OPCML: variants seen among roughly 807,000 people sequenced by gnomAD.
OPCML encodes the protein opioid binding protein/cell adhesion molecule like, also known as opioid-binding protein/cell adhesion molecule.
In OPCML, 13 loss-of-function variants were observed where a neutral mutation model predicts 37.8. The observed-to-expected ratio is 0.34, with a 90% CI of 0.22 to 0.55. OPCML has a LOEUF of 0.55. Among genes scored for constraint, OPCML ranks in the 20% least tolerant of loss-of-function variants. OPCML has a pLI of 0.91. For synonymous variants in OPCML, 176 were observed against 168.8 expected, an observed-to-expected ratio of 1.04 and a Z score of -0.33; for missense variants, 341 against 435.6, an observed-to-expected ratio of 0.78 and a Z score of 1.93.
intron 2 of OPCML, among the ~76,000 whole-genome samples, chr11:132,754,154 C>T (rs1004582510): frequency 6.6e-6 from 1 of 152,150 alleles, no homozygotes; most frequent in African/African-American, 2.4e-5. Context: ...CAGCCTCCAA[C>T]AGTAAGAGGT....
At chr11:132,856,938 T>A (rs1392448120) in intron 2 of OPCML, among the ~76,000 whole-genome samples, 1 of 152,220 alleles carries the variant, frequency 6.6e-6, no homozygotes, top group Non-Finnish European at 1.5e-5. Flanking sequence ...TCTAAAACTT[T>A]TTAAATAAAA....
At chr11:132,926,522 G>A (rs1260983477) in intron 2 of OPCML, among the ~76,000 whole-genome samples, 1 of 152,104 alleles carries the variant, frequency 6.6e-6, no homozygotes, top group Non-Finnish European at 1.5e-5. Flanking sequence ...GACCAGGAGA[G>A]GCATATACCA....
At chr11:133,016,870 T>C (rs1008263742) in intron 1 of OPCML, among the ~76,000 whole-genome samples, 1 of 152,204 alleles carries the variant, frequency 6.6e-6, no homozygotes, top group Non-Finnish European at 1.5e-5. Flanking sequence ...CCTATGTTCT[T>C]GGTCCAAGGA....
chr11:132,492,248 A>T (rs979781451), intron 4 of OPCML, among the ~76,000 whole-genome samples: 1 of 151,972 alleles, frequency 6.6e-6, no homozygotes, highest in Non-Finnish European at 1.5e-5. Flanking sequence ...CTTGGAGCAA[A>T]AGGTGGGCAT....
At chr11:133,395,793 A>T (rs1480670346) in intron 1 of OPCML, among the ~76,000 whole-genome samples, 1 of 152,122 alleles carries the variant, frequency 6.6e-6, no homozygotes, top group African/African-American at 2.4e-5. Context: ...ATAGCTCTGT[A>T]GTACAATTTG....
chr11:133,106,539 A>C (rs1949160736), intron 1 of OPCML, among the ~76,000 whole-genome samples: 1 of 152,238 alleles, frequency 6.6e-6, no homozygotes, highest in African/African-American at 2.4e-5. Context: ...AAGGAACTAC[A>C]TAATTGTGTA....
intron 1 of OPCML, among the ~76,000 whole-genome samples, chr11:133,438,806 G>C (rs1211644244): frequency 6.6e-6 from 1 of 152,070 alleles, no homozygotes; most frequent in African/African-American, 2.4e-5. Flanking sequence ...GATCCCCAAC[G>C]GTCAACGATT....
At chr11:132,837,886 C>A (rs1284455421) in intron 2 of OPCML, among the ~76,000 whole-genome samples, 1 of 152,236 alleles carries the variant, frequency 6.6e-6, no homozygotes, top group African/African-American at 2.4e-5. Context: ...CTCAGGGTCT[C>A]TGTAAACACT....
intron 1 of OPCML, among the ~76,000 whole-genome samples, chr11:133,227,037 T>C (rs921736684): frequency 7.9e-5 from 12 of 152,232 alleles, no homozygotes; most frequent in Non-Finnish European, 1.5e-4. Flanking sequence ...TCGGCTGATG[T>C]GCCGGTGTCA....
chr11:132,681,861 A>G (rs1478036278), intron 2 of OPCML, among the ~76,000 whole-genome samples: 4 of 152,126 alleles, frequency 2.6e-5, no homozygotes, highest in Admixed American at 2.6e-4. Context: ...AGGCTGAGGC[A>G]GGAGAATGGC....
intron 1 of OPCML, among the ~76,000 whole-genome samples, chr11:133,113,134 CA>C (rs1949282455): frequency 6.6e-6 from 1 of 152,080 alleles, no homozygotes; most frequent in Non-Finnish European, 1.5e-5. Context: ...ACTTATCATG[CA>C]AAAAAGCCAT....
chr11:133,151,284 T>G (rs151253284), intron 1 of OPCML, among the ~76,000 whole-genome samples: 2,449 of 151,412 alleles, frequency 0.016, 36 homozygotes, highest in Middle Eastern at 0.041. Context: ...ATAATAATAA[T>G]AATAATAATT....
intron 1 of OPCML, among the ~76,000 whole-genome samples, chr11:133,170,786 ACCTGG>A (rs1178392198): frequency 1.3e-5 from 2 of 152,218 alleles, no homozygotes; most frequent in Non-Finnish European, 2.9e-5. Flanking sequence ...GGAAAGGTCT[ACCTGG>A]AGCCACAGCC....
chr11:133,248,767 G>C (rs1941034174), intron 1 of OPCML, among the ~76,000 whole-genome samples: 1 of 152,198 alleles, frequency 6.6e-6, no homozygotes, highest in East Asian at 1.9e-4. Flanking sequence ...TGTGGTGGGA[G>C]AGCATGGGCC....
At chr11:133,105,868 G>A (rs1316830633) in intron 1 of OPCML, among the ~76,000 whole-genome samples, 1 of 152,122 alleles carries the variant, frequency 6.6e-6, no homozygotes, top group Non-Finnish European at 1.5e-5. Flanking sequence ...TGTAATCCCA[G>A]CTACTCAGGA....
intron 1 of OPCML, among the ~76,000 whole-genome samples, chr11:133,345,531 A>G (rs1207461270): frequency 2.0e-5 from 3 of 152,198 alleles, no homozygotes; most frequent in Non-Finnish European, 4.4e-5. Flanking sequence ...ATTAAATGCT[A>G]GATTCCTGTT....
At chr11:132,767,195 A>G (rs748663972) in intron 2 of OPCML, among the ~76,000 whole-genome samples, 42 of 152,198 alleles carry the variant, frequency 2.8e-4, no homozygotes, top group Non-Finnish European at 1.6e-4. Flanking sequence ...AAAGCTAAAA[A>G]GGAGTTTATA....
chr11:133,288,247 C>T (rs1942360197), intron 1 of OPCML, among the ~76,000 whole-genome samples: 1 of 152,214 alleles, frequency 6.6e-6, no homozygotes, highest in Non-Finnish European at 1.5e-5. Flanking sequence ...AGCCTACCTC[C>T]TGTTCTCTCT....
chr11:132,690,910 A>G (rs543544548), intron 2 of OPCML, among the ~76,000 whole-genome samples: 3 of 152,236 alleles, frequency 2.0e-5, no homozygotes, highest in Non-Finnish European at 4.4e-5. Flanking sequence ...GATTCCATAT[A>G]GAAAAGTGCA....
Sources: allele counts gnomAD v4.1 joint callset (sites outside exome capture counted in the v4.1 genomes callset), GRCh38; gene constraint gnomAD v4.1.1; transcripts MANE v1.5; gene names NCBI Gene and HGNC (gene_info 2026-07-23, HGNC 2026-07-21).